DNAJC13: variants seen among roughly 807,000 people sequenced by gnomAD.
DNAJC13 encodes dnaJ homolog subfamily C member 13.
Under a neutral mutation model 290.5 loss-of-function variants are expected in DNAJC13, and 75 were observed. That is an observed-to-expected ratio of 0.26 (90% CI 0.21 to 0.31). The LOEUF is 0.31. Among genes scored for constraint, DNAJC13 ranks in the 10% least tolerant of loss-of-function variants. The pLI is 1.00. For synonymous variants in DNAJC13, 862 were observed against 892.0 expected (o/e 0.97, Z 0.60); for missense variants, 2,260 against 2,674.5 (o/e 0.85, Z 3.42).
rs1559901601 is a variant in DNAJC13 at position 132,502,475 on chromosome 3, T to G, written c.4716+7T>G. 3.1e-6 allele frequency: 5 copies of G among 1,597,128 alleles called. No homozygotes were observed. The highest frequency in any genetic ancestry group is 4.3e-6 in the Non-Finnish European group (5 of 1,171,064). On this transcript the variant is annotated splice_region_variant and intron_variant, in intron 40 of 55. Coordinates refer to ENST00000260818, the MANE Select transcript of DNAJC13 (RefSeq NM_015268.4). The stretch of plus-strand genomic sequence containing the variant: ...TGAAGAAACAAACCAGCAGGTAACT[T>G]TAACATTGCTTTAATATTGAATTTG...
chr3:132,499,786 A>G lies in DNAJC13; in HGVS notation c.4394A>G (p.Lys1465Arg). The G allele has an allele frequency of 6.2e-7, 1 of 1,614,118 alleles. No individual in the cohort carries two copies. The highest frequency in any genetic ancestry group is 1.1e-5 in the South Asian group (1 of 91,074). ...GTGGCTGTCTTGACTCGTGCTAGTA[A>G]ACCAAGTGACATGTCAGTACAGGTG... ...RCVAVLTRAS[K>R]PSDMSVQVCG... The change falls in exon 38 of 56, where the codon AAA becomes AGA. Residue 1465 changes from lysine (K) to arginine (R), a missense_variant. Transcript: ENST00000260818.
chr3:132,488,780 A>T (rs1217922779), intron 30 of DNAJC13, among the ~76,000 whole-genome samples, 196 bp from the exon 31 acceptor site: 3 of 152,112 alleles, frequency 2.0e-5, no homozygotes, highest in African/African-American at 7.2e-5. Flanking sequence ...CTTTAATATG[A>T]CTACACTTTA....
Position 132,434,562 on chromosome 3 carries a change from T to G in DNAJC13, c.12T>G (p.Ile4Met), listed in dbSNP as rs765757323. The change falls in exon 2 of 56, where the codon ATT becomes ATG. Residue 4 changes from isoleucine (I) to methionine (M), a missense_variant. Transcript: ENST00000260818. MNI[I>M]RENKDLACFY... ...GGTTTGAGCACAAAATGAACATAAT[T>G]AGGGAAAATAAGGATCTGGCATGTT... 6.2e-6 allele frequency: 10 copies of G among 1,612,254 alleles called. No individual in the cohort carries two copies. The highest frequency in any genetic ancestry group is 8.5e-6 in the Non-Finnish European group (10 of 1,179,144).
rs544393571 is a variant in DNAJC13 at position 132,434,209 on chromosome 3, C to CA, written c.-13-317dup. Among the ~76,000 whole-genome samples the CA allele has an allele frequency of 0.13, 14,266 of 107,208 alleles. 942 individuals are homozygous for CA. Among genetic ancestry groups the CA allele is most frequent in the South Asian group, 0.19 (658 of 3,388 alleles). 70.3% of individuals were successfully genotyped at this position (107,208 alleles called of 152,430 possible). A position where few individuals can be genotyped will look rare whatever the true frequency, so the allele number is the denominator to read the frequency against. On this transcript the variant is annotated intron_variant, in intron 1 of 55. Transcript: ENST00000260818. ...TGGGCGACAGTGCGAGACTCCATCT[C>CA]AAAAAAAAAAAACAAAAAACAAAAA...
chr3:132,421,568 ACTACAGGCGC>A (rs1938960421), intron 1 of DNAJC13, among the ~76,000 whole-genome samples: 1 of 151,098 alleles, frequency 6.6e-6, no homozygotes, highest in South Asian at 2.1e-4. Flanking sequence ...AGTAGCTGGG[ACTACAGGCGC>A]TTGCCACCAT....
intron 21 of DNAJC13, among the ~76,000 whole-genome samples, chr3:132,473,803 A>G (rs1009175605): frequency 6.6e-6 from 1 of 152,194 alleles, no homozygotes; most frequent in Non-Finnish European, 1.5e-5. Flanking sequence ...ACCTTGGCCA[A>G]TAAAGAAAAA....
At chr3:132,488,944 A>G (rs762107153) in intron 30 of DNAJC13, 32 bp from the exon 31 acceptor site, 7 of 1,544,276 alleles carry the variant, frequency 4.5e-6, no homozygotes, top group East Asian at 2.3e-5. Context: ...ATCGGTTTCT[A>G]TATCTGATAG....
intron 48 of DNAJC13, among the ~76,000 whole-genome samples, chr3:132,518,129 T>A (rs912551088): frequency 6.6e-5 from 10 of 152,274 alleles, no homozygotes; most frequent in Non-Finnish European, 1.5e-4. Flanking sequence ...TACATATGTA[T>A]ACATGTGCCA....
chr3:132,508,288 G>A (rs1198522445), intron 43 of DNAJC13, among the ~76,000 whole-genome samples: 1 of 152,236 alleles, frequency 6.6e-6, no homozygotes, highest in East Asian at 1.9e-4. Context: ...GAAGCAGCAA[G>A]TGCTGATGGA....
chr3:132,459,236 A>G (rs1933714493), intron 13 of DNAJC13, among the ~76,000 whole-genome samples: 1 of 152,238 alleles, frequency 6.6e-6, no homozygotes, highest in Non-Finnish European at 1.5e-5. Flanking sequence ...AGTAACATAC[A>G]GTATTTGCTA....
At chr3:132,480,946 GT>G (rs1934647115) in intron 26 of DNAJC13, among the ~76,000 whole-genome samples, 1 of 152,184 alleles carries the variant, frequency 6.6e-6, no homozygotes, top group Admixed American at 6.5e-5. Context: ...TAGATTTCGT[GT>G]GAATTGTGAC....
At chr3:132,499,084 ATTTTG>A (rs1241087976) in intron 36 of DNAJC13, 37 bp from the exon 37 acceptor site, 1 of 1,486,226 alleles carries the variant, frequency 6.7e-7, no homozygotes, top group African/African-American at 1.4e-5. Flanking sequence ...AACATAATCA[ATTTTG>A]TTTTGTTTTT....
intron 2 of DNAJC13, among the ~76,000 whole-genome samples, chr3:132,443,839 G>C (rs1227331594): frequency 6.6e-6 from 1 of 152,062 alleles, no homozygotes; most frequent in African/African-American, 2.4e-5. Flanking sequence ...TACTCTGCTG[G>C]GTCTAGCATG....
intron 47 of DNAJC13, 38 bp downstream of exon 47, chr3:132,516,534 A>G: frequency 6.3e-6 from 10 of 1,598,844 alleles, no homozygotes; most frequent in Non-Finnish European, 7.7e-6. Context: ...GTCATGTGCA[A>G]TATAATGAAG....
chr3:132,529,425 G>C (rs1418350886), intron 54 of DNAJC13, among the ~76,000 whole-genome samples: 1 of 152,084 alleles, frequency 6.6e-6, no homozygotes, highest in Non-Finnish European at 1.5e-5. Context: ...TACTGGATTT[G>C]TATGTTTCAA....
At chr3:132,505,990 A>ATT (rs1364150655) in intron 42 of DNAJC13, among the ~76,000 whole-genome samples, 1 of 149,874 alleles carries the variant, frequency 6.7e-6, no homozygotes, top group Non-Finnish European at 1.5e-5. Context: ...TTATAGATAA[A>ATT]ATTTTTGAGA....
intron 1 of DNAJC13, among the ~76,000 whole-genome samples, chr3:132,419,171 G>T (rs754959949): frequency 3.3e-5 from 5 of 152,118 alleles, no homozygotes; most frequent in Non-Finnish European, 7.4e-5. Flanking sequence ...ACAGGAAGTA[G>T]AACATATTAA....
chr3:132,537,293 G>T, intron 55 of DNAJC13: 1 of 452,628 alleles, frequency 2.2e-6, no homozygotes, highest in South Asian at 1.6e-5. Flanking sequence ...CTAAATGCAT[G>T]CCGCTCCCAC....
intron 1 of DNAJC13, among the ~76,000 whole-genome samples, chr3:132,426,424 G>A (rs1475696309): frequency 3.3e-5 from 5 of 152,190 alleles, no homozygotes; most frequent in South Asian, 2.1e-4. Context: ...TTTAAGTGAC[G>A]TTAGTTTGAG....
Sources: gnomAD v4.1 joint callset for allele counts (sites outside exome capture counted in the v4.1 genomes callset) on GRCh38, gnomAD v4.1.1 for gene constraint, MANE v1.5 for transcripts, NCBI Gene and HGNC (gene_info 2026-07-23, HGNC 2026-07-21) for gene names.